The following FIRRM variants were observed in gnomAD, a reference collection of about 807,000 sequenced individuals.
The protein encoded by FIRRM is FIGNL1-interacting regulator of recombination and mitosis.
the FIRRM span, among the ~76,000 whole-genome samples, chr1:169,847,498 C>G: frequency 6.6e-6 from 1 of 151,984 alleles, no homozygotes; most frequent in South Asian, 2.1e-4. Context: ...AATGCTTTAA[C>G]TGTTAACTTG....
chr1:169,842,583 T>A, the FIRRM span: 23 of 1,590,716 alleles, frequency 1.4e-5, no homozygotes, highest in Admixed American at 2.2e-4. Flanking sequence ...AAATAGAAAA[T>A]ATCAAAAAAA....
the FIRRM span, among the ~76,000 whole-genome samples, chr1:169,804,936 G>A: frequency 6.6e-6 from 1 of 152,188 alleles, no homozygotes; most frequent in African/African-American, 2.4e-5. Flanking sequence ...ACCTGCCTCA[G>A]CCTCCCAAAG....
the FIRRM span, chr1:169,821,527 G>A: frequency 0.077 from 35,882 of 468,278 alleles, 1,675 homozygotes; most frequent in Non-Finnish European, 0.096. Context: ...AATTCAAAGA[G>A]GAGTTATATT....
chr1:169,811,761 TA>T, the FIRRM span, among the ~76,000 whole-genome samples: 1 of 131,268 alleles, frequency 7.6e-6, no homozygotes, highest in African/African-American at 2.6e-5. Flanking sequence ...AAATAGATAA[TA>T]GACAGATTAT....
chr1:169,832,508 C>T, the FIRRM span: 1 of 1,606,428 alleles, frequency 6.2e-7, no homozygotes, highest in East Asian at 2.2e-5. Context: ...CCCCATCAGG[C>T]AAGGAAGGAT....
chr1:169,811,732 GATA>G, the FIRRM span, among the ~76,000 whole-genome samples: 1 of 150,058 alleles, frequency 6.7e-6, no homozygotes, highest in East Asian at 2.0e-4. Flanking sequence ...TATCTAAATA[GATA>G]ATAGACAGAT....
At chr1:169,787,191 A>C in the FIRRM span, among the ~76,000 whole-genome samples, 1 of 152,156 alleles carries the variant, frequency 6.6e-6, no homozygotes, top group South Asian at 2.1e-4. Flanking sequence ...TGCAGTGTGC[A>C]GTGTGCAGTG....
the FIRRM span, among the ~76,000 whole-genome samples, chr1:169,841,257 T>G: frequency 6.6e-6 from 1 of 152,252 alleles, no homozygotes; most frequent in Non-Finnish European, 1.5e-5. Flanking sequence ...TCACACTTAT[T>G]GATTTGCATA....
At chr1:169,786,863 G>A in the FIRRM span, among the ~76,000 whole-genome samples, 1 of 152,302 alleles carries the variant, frequency 6.6e-6, no homozygotes, top group African/African-American at 2.4e-5. Flanking sequence ...TTTCTCCTCT[G>A]TAGCCTTAGG....
At chr1:169,797,212 T>G in the FIRRM span, among the ~76,000 whole-genome samples, 2 of 152,234 alleles carry the variant, frequency 1.3e-5, no homozygotes, top group Non-Finnish European at 2.9e-5. Flanking sequence ...AGACAATACT[T>G]TTTTTCAGCT....
chr1:169,830,764 G>C, the FIRRM span: 2 of 1,612,052 alleles, frequency 1.2e-6, no homozygotes, highest in Non-Finnish European at 1.7e-6. Context: ...AGAATTACAA[G>C]GCCTAAAACA....
chr1:169,784,317 C>T, the FIRRM span, among the ~76,000 whole-genome samples: 19,322 of 152,084 alleles, frequency 0.13, 1,407 homozygotes, highest in East Asian at 0.21. Flanking sequence ...TCTCTACCAC[C>T]ATGAGTCACC....
At chr1:169,831,004 G>T in the FIRRM span, among the ~76,000 whole-genome samples, 4 of 152,154 alleles carry the variant, frequency 2.6e-5, no homozygotes, top group Non-Finnish European at 5.9e-5. Context: ...GAAAGACTGG[G>T]TTAATTGAAA....
the FIRRM span, among the ~76,000 whole-genome samples, chr1:169,835,695 G>A: frequency 6.6e-6 from 1 of 152,010 alleles, no homozygotes; most frequent in African/African-American, 2.4e-5. Flanking sequence ...AACAAATTTT[G>A]GCAATACCTA....
chr1:169,793,503 A>C, the FIRRM span: 36 of 1,614,100 alleles, frequency 2.2e-5, no homozygotes, highest in Middle Eastern at 4.9e-4. Context: ...TTTTCCATTG[A>C]CTTATGTTCC....
the FIRRM span, chr1:169,801,099 T>G: frequency 1.8e-6 from 1 of 547,722 alleles, no homozygotes; most frequent in African/African-American, 2.0e-5. Context: ...AAGGAGTAAG[T>G]AGATCTCATG....
chr1:169,832,705 G>T, the FIRRM span, among the ~76,000 whole-genome samples: 4 of 152,008 alleles, frequency 2.6e-5, no homozygotes, highest in East Asian at 7.7e-4. Context: ...CTGGGCTCAA[G>T]CAATCCTCCC....
At chr1:169,793,165 A>T in the FIRRM span, 1 of 1,614,206 alleles carries the variant, frequency 6.2e-7, no homozygotes. Context: ...TTGTGAAATA[A>T]GCCAGGAGGT....
At chr1:169,784,943 G>A in the FIRRM span, 4 of 152,322 alleles carry the variant, frequency 2.6e-5, no homozygotes, top group Non-Finnish European at 5.9e-5. Flanking sequence ...TTGATGGGAT[G>A]AGAATGTGTT....
Sources: gnomAD v4.1 joint callset for allele counts (sites outside exome capture counted in the v4.1 genomes callset) on GRCh38, gnomAD v4.1.1 for gene constraint, MANE v1.5 for transcripts, NCBI Gene and HGNC (gene_info 2026-07-23, HGNC 2026-07-21) for gene names.